Variants in RBFOX1 observed in about 807,000 individuals in gnomAD.
The protein encoded by RBFOX1 is RNA binding protein fox-1 homolog 1.
RBFOX1 carries 8 observed loss-of-function variants against 57.7 expected under a neutral mutation model. The ratio of observed to expected loss-of-function variants is 0.14; its 90% CI spans 0.08 to 0.25. RBFOX1 has a LOEUF of 0.25. Among genes scored for constraint, RBFOX1 ranks in the 10% least tolerant of loss-of-function variants. The pLI, the probability that RBFOX1 is intolerant of heterozygous loss-of-function variation, is 1.00. For missense variants in RBFOX1, 611 were observed against 548.5 expected (o/e 1.11, Z -1.14); for synonymous variants, 326 against 222.4 (o/e 1.47, Z -4.15).
At chr16:5,954,419 A>G (rs1456833323) in intron 4 of RBFOX1, among the ~76,000 whole-genome samples, 1 of 152,082 alleles carries the variant, frequency 6.6e-6, no homozygotes, top group Admixed American at 6.6e-5. Context: ...AGAACGAAGC[A>G]TTAAACCCAG....
chr16:6,618,260 C>A (rs544475233), intron 2 of RBFOX1, among the ~76,000 whole-genome samples: 3 of 152,182 alleles, frequency 2.0e-5, no homozygotes, highest in African/African-American at 7.2e-5. Flanking sequence ...TATGTGTATA[C>A]CCTAGAAAAA....
chr16:6,723,454 A>G (rs898529048), intron 3 of RBFOX1, among the ~76,000 whole-genome samples: 5 of 152,218 alleles, frequency 3.3e-5, no homozygotes, highest in South Asian at 2.1e-4. Flanking sequence ...ACAAAAGGGC[A>G]TAATGTTATG....
At chr16:7,438,075 G>A (rs893437390) in intron 4 of RBFOX1, among the ~76,000 whole-genome samples, 1 of 152,044 alleles carries the variant, frequency 6.6e-6, no homozygotes. Context: ...TTCTGAGATG[G>A]GACTTGCTCC....
At chr16:7,198,620 G>A (rs915006042) in intron 4 of RBFOX1, among the ~76,000 whole-genome samples, 1 of 152,108 alleles carries the variant, frequency 6.6e-6, no homozygotes, top group Non-Finnish European at 1.5e-5. Flanking sequence ...ATATCACATG[G>A]GCTTTCCTGC....
intron 5 of RBFOX1, among the ~76,000 whole-genome samples, chr16:7,564,321 C>G (rs185012511): frequency 8.6e-5 from 13 of 151,662 alleles, no homozygotes; most frequent in Non-Finnish European, 1.2e-4. Context: ...GGGTAGATCG[C>G]GAGGTCAGGA....
At chr16:5,783,965 A>G (rs1338176281) in intron 3 of RBFOX1, among the ~76,000 whole-genome samples, 1 of 152,182 alleles carries the variant, frequency 6.6e-6, no homozygotes, top group Non-Finnish European at 1.5e-5. Context: ...AAGTATATTC[A>G]TCCATTCTTA....
chr16:6,859,614 C>A (rs1269951152), intron 3 of RBFOX1, among the ~76,000 whole-genome samples: 1 of 152,012 alleles, frequency 6.6e-6, no homozygotes, highest in South Asian at 2.1e-4. Flanking sequence ...CTTCCTGCCG[C>A]CTCTCTGTGT....
intron 5 of RBFOX1, among the ~76,000 whole-genome samples, chr16:7,520,349 C>T (rs1231953389): frequency 1.3e-5 from 2 of 152,140 alleles, no homozygotes; most frequent in East Asian, 3.9e-4. Context: ...TAGTGCAAAA[C>T]CACCACCATT....
intron 3 of RBFOX1, among the ~76,000 whole-genome samples, chr16:6,938,045 AT>A (rs1401015518): frequency 6.6e-6 from 1 of 151,922 alleles, no homozygotes; most frequent in African/African-American, 2.4e-5. Context: ...ATGGGAGCTA[AT>A]TGTGATATGG....
intron 4 of RBFOX1, among the ~76,000 whole-genome samples, chr16:7,464,379 TA>T (rs776120172): frequency 1.3e-5 from 2 of 152,036 alleles, no homozygotes; most frequent in African/African-American, 2.4e-5. Flanking sequence ...CAGAAGCTGG[TA>T]AAACAGTCGC....
chr16:5,965,631 GAA>G (rs2059828336), intron 4 of RBFOX1, among the ~76,000 whole-genome samples: 1 of 152,162 alleles, frequency 6.6e-6, no homozygotes, highest in Non-Finnish European at 1.5e-5. Flanking sequence ...AGCTTCAAAA[GAA>G]ATTACTGTTG....
intron 2 of RBFOX1, among the ~76,000 whole-genome samples, chr16:6,612,663 C>T (rs978679903): frequency 6.6e-6 from 1 of 151,704 alleles, no homozygotes; most frequent in Non-Finnish European, 1.5e-5. Context: ...ATCAGCCTGG[C>T]CAACATGACA....
intron 4 of RBFOX1, among the ~76,000 whole-genome samples, chr16:7,193,565 A>T (rs1226586287): frequency 6.6e-6 from 1 of 152,238 alleles, no homozygotes; most frequent in Non-Finnish European, 1.5e-5. Flanking sequence ...AGATGCTCTT[A>T]TGAGCATTTT....
intron 4 of RBFOX1, among the ~76,000 whole-genome samples, chr16:7,069,679 C>T (rs886855805): frequency 3.9e-5 from 6 of 152,106 alleles, no homozygotes; most frequent in African/African-American, 9.7e-5. Flanking sequence ...GTGGATCGTG[C>T]CCCAGCTTCC....
intron 3 of RBFOX1, among the ~76,000 whole-genome samples, chr16:5,609,817 C>G (rs879080100): frequency 2.1e-5 from 3 of 143,078 alleles, no homozygotes; most frequent in Admixed American, 1.5e-4. Flanking sequence ...GAGCACTGTT[C>G]TAGGAGCTGC....
intron 1 of RBFOX1, among the ~76,000 whole-genome samples, chr16:6,184,409 C>A (rs185268649): frequency 6.6e-6 from 1 of 152,012 alleles, no homozygotes; most frequent in Non-Finnish European, 1.5e-5. Context: ...GGTGAGAAGT[C>A]GTGGTAAATG....
At chr16:5,879,611 T>C (rs1400843767) in intron 4 of RBFOX1, among the ~76,000 whole-genome samples, 1 of 152,224 alleles carries the variant, frequency 6.6e-6, no homozygotes, top group Non-Finnish European at 1.5e-5. Context: ...ATTATAGGCG[T>C]GAGCCACCAC....
At chr16:6,151,916 A>T (rs1219445395) in intron 1 of RBFOX1, among the ~76,000 whole-genome samples, 1 of 152,198 alleles carries the variant, frequency 6.6e-6, no homozygotes, top group East Asian at 1.9e-4. Flanking sequence ...GATGGTATAG[A>T]AGTTACTTGC....
chr16:7,028,878 C>A (rs1204439260), intron 3 of RBFOX1, among the ~76,000 whole-genome samples: 1 of 150,734 alleles, frequency 6.6e-6, no homozygotes, highest in Admixed American at 6.6e-5. Flanking sequence ...AGTGGGAATC[C>A]AAGCTCTGCC....
Sources: gnomAD v4.1 joint callset for allele counts (sites outside exome capture counted in the v4.1 genomes callset) on GRCh38, gnomAD v4.1.1 for gene constraint, MANE v1.5 for transcripts, NCBI Gene and HGNC (gene_info 2026-07-23, HGNC 2026-07-21) for gene names.